The following CMBL variants were observed in gnomAD, a reference collection of about 807,000 sequenced individuals.
CMBL encodes carboxymethylenebutenolidase homolog (Pseudomonas).
A neutral mutation model predicts 28.7 loss-of-function variants in CMBL; 17 were observed. The ratio of observed to expected loss-of-function variants is 0.59; its 90% CI spans 0.41 to 0.89. The LOEUF is 0.89. Among genes scored for constraint, CMBL ranks in the 40% least tolerant of loss-of-function variants. The pLI, the probability that CMBL is intolerant of heterozygous loss-of-function variation, is 0.00. For synonymous variants in CMBL, 106 were observed against 101.6 expected (o/e 1.04, Z -0.26); for missense variants, 310 against 298.5 (o/e 1.04, Z -0.28).
intron 3 of CMBL, among the ~76,000 whole-genome samples, chr5:10,288,166 C>A (rs1746640053): frequency 6.6e-6 from 1 of 152,056 alleles, no homozygotes; most frequent in Admixed American, 6.5e-5. Context: ...ACTCGGGAGG[C>A]TGAGGCAGGA....
In CMBL at chr5:10,289,185, T is replaced by C. The variant is rs550799704; in HGVS notation, c.216-656A>G. ...GGTTGGAGGAACAGGGCTCCTCCTA[T>C]AGGGGTAGAAGAACACTGAAACTGG... On this transcript the variant is annotated intron_variant, in intron 2 of 5. Transcript: ENST00000296658. This position sits in a 1 kb window ranked among gnomAD's most constrained non-coding sequence, Gnocchi z 4.3. 1.1e-4 allele frequency among the ~76,000 whole-genome samples: 16 copies of C among 152,118 alleles called. No homozygotes were observed. Among genetic ancestry groups the C allele is most frequent in the Non-Finnish European group, 1.8e-4 (12 of 68,016 alleles).
chr5:10,288,593 A>G, intron 2 of CMBL, 64 bp from the exon 3 acceptor site: 5 of 1,278,814 alleles, frequency 3.9e-6, no homozygotes, highest in Middle Eastern at 1.8e-4. Context: ...TTTTGCTTGC[A>G]TTTATTTAAA....
intron 1 of CMBL, among the ~76,000 whole-genome samples, chr5:10,296,421 C>T (rs1000385478): frequency 1.3e-5 from 2 of 152,198 alleles, no homozygotes; most frequent in African/African-American, 4.8e-5. Flanking sequence ...GCTGGTACTA[C>T]AGGCGAGCAC....
rs925913933 is a variant in CMBL, at chr5:10,278,944, C to T, written c.*1509G>A. Among the ~76,000 whole-genome samples, 5 of 152,176 alleles carry T rather than the reference C, an allele frequency of 3.3e-5. No homozygotes were observed. Among genetic ancestry groups the T allele is most frequent in the African/African-American group, 4.8e-5 (2 of 41,440 alleles). On this transcript the variant is annotated 3_prime_UTR_variant, in exon 6 of 6. Transcript: ENST00000296658. Reference sequence around the variant, plus strand: ...ATGAAAGGCACATGGGAAACACCCACGACCACATCCCCAGGATCCCCGTCA... The same window carrying T: ...ATGAAAGGCACATGGGAAACACCCATGACCACATCCCCAGGATCCCCGTCA...
chr5:10,295,736 C>T (rs140670574), intron 1 of CMBL, among the ~76,000 whole-genome samples: 57 of 152,288 alleles, frequency 3.7e-4, no homozygotes, highest in Non-Finnish European at 5.7e-4. Context: ...GCCAGCGCCT[C>T]GATCTTGGAC....
intron 1 of CMBL, among the ~76,000 whole-genome samples, chr5:10,298,841 C>T (rs765458633): frequency 1.3e-5 from 2 of 152,292 alleles, no homozygotes; most frequent in East Asian, 1.9e-4. Context: ...TGCAGTCAGA[C>T]GAGATCGCGC....
intron 5 of CMBL, among the ~76,000 whole-genome samples, 163 bp downstream of exon 5, chr5:10,282,034 C>T (rs1746503925): frequency 6.6e-6 from 1 of 152,072 alleles, no homozygotes; most frequent in Admixed American, 6.6e-5. Flanking sequence ...GTGGTGGGCG[C>T]CTGTAGTCCC....
Position 10,278,296 on chromosome 5 carries a change from C to T in CMBL, c.*2157G>A, listed in dbSNP as rs1182844088. 6.6e-6 allele frequency among the ~76,000 whole-genome samples: 1 copy of T among 152,102 alleles called. No individual in the cohort carries two copies. The highest frequency in any genetic ancestry group is 6.5e-5 in the Admixed American group (1 of 15,272). ...CCAGTTATACAACTTCTCACTGTTCCCCAAGGTGGTCGATCCAGACATCTG... is the reference window on the plus strand; with the variant it reads ...CCAGTTATACAACTTCTCACTGTTCTCCAAGGTGGTCGATCCAGACATCTG... On this transcript the variant is annotated 3_prime_UTR_variant, in exon 6 of 6. Coordinates refer to ENST00000296658, the MANE Select transcript of CMBL (RefSeq NM_138809.4).
intron 2 of CMBL, among the ~76,000 whole-genome samples, chr5:10,290,102 A>AG (rs1348757655): frequency 6.6e-6 from 1 of 152,176 alleles, no homozygotes; most frequent in African/African-American, 2.4e-5. Context: ...TCTAATTCAG[A>AG]GGGGGCCACG....
chr5:10,280,473 A>T lies in CMBL; in HGVS notation c.718T>A (p.Trp240Arg). The T allele has an allele frequency of 6.2e-7, 1 of 1,603,332 alleles. No individual in the cohort carries two copies. The highest frequency in any genetic ancestry group is 1.3e-5 in the African/African-American group (1 of 74,930). Residue 240 changes from tryptophan (W) to arginine (R), a missense_variant, in exon 6 of 6, where the codon TGG (tryptophan) becomes AGG (arginine). Coordinates refer to ENST00000296658, the MANE Select transcript of CMBL (RefSeq NM_138809.4). ...TCTTGCTACATGTACTTGTTCAGCC[A>T]CTCAATTAAATTCCTTCTGGCCTCG... ...IDEARRNLIE[W>R]LNKYM
chr5:10,299,890 T>C (rs909521431), intron 1 of CMBL, among the ~76,000 whole-genome samples: 10 of 151,956 alleles, frequency 6.6e-5, no homozygotes, highest in African/African-American at 2.2e-4. Flanking sequence ...GCACATGCAG[T>C]GATTATGGAA....
At chr5:10,290,196 G>A (rs1192955192) in intron 2 of CMBL, among the ~76,000 whole-genome samples, 1 of 152,212 alleles carries the variant, frequency 6.6e-6, no homozygotes, top group Non-Finnish European at 1.5e-5. Flanking sequence ...CTGAGCTGTT[G>A]AAGGACCGAG....
At chr5:10,302,245 G>A (rs1038939744) in intron 1 of CMBL, among the ~76,000 whole-genome samples, 1 of 152,200 alleles carries the variant, frequency 6.6e-6, no homozygotes, top group Non-Finnish European at 1.5e-5. Context: ...TCCTGCAAAT[G>A]CACTGTAAAC....
intron 1 of CMBL, among the ~76,000 whole-genome samples, chr5:10,301,791 G>A (rs1407560794): frequency 5.9e-5 from 9 of 151,780 alleles, no homozygotes; most frequent in African/African-American, 7.3e-5. Context: ...TAGTAGAGAC[G>A]GGGTTTCACC....
chr5:10,281,667 T>TA (rs1397552403), intron 5 of CMBL, among the ~76,000 whole-genome samples: 1 of 152,222 alleles, frequency 6.6e-6, no homozygotes, highest in Admixed American at 6.5e-5. Context: ...CTCCACCAGG[T>TA]AACCAGGCCA....
intron 1 of CMBL, among the ~76,000 whole-genome samples, chr5:10,291,273 G>A (rs115124863): frequency 0.018 from 2,671 of 152,304 alleles, 81 homozygotes; most frequent in African/African-American, 0.059. Context: ...CTCACGGAAG[G>A]GGGCCAAAGC....
chr5:10,290,552 A>G lies in CMBL; in HGVS notation c.211T>C (p.Tyr71His). 1.2e-6 allele frequency: 2 copies of G among 1,610,134 alleles called. No individual in the cohort carries two copies. Among genetic ancestry groups the G allele is most frequent in the Non-Finnish European group, 8.5e-7 (1 of 1,176,296 alleles). ...YIADMISGNG[Y>H]TTIVPDFFVG... is the part of the protein sequence containing the mutation. The stretch of plus-strand genomic sequence containing the variant: ...GAAACACAACTTTATACATACGTGT[A>G]TCCATTTCCTGAGATCATGTCAGCT... Residue 71 changes from tyrosine to histidine, a missense_variant, in exon 2 of 6, where the codon TAC (tyrosine) becomes CAC (histidine). Physicochemically the swap from Tyr to His is moderately conservative, Grantham distance 83. Coordinates refer to ENST00000296658, the MANE Select transcript of CMBL (RefSeq NM_138809.4).
At chr5:10,288,994 C>T (rs191673819) in intron 2 of CMBL, among the ~76,000 whole-genome samples, 114 of 152,284 alleles carry the variant, frequency 7.5e-4, no homozygotes, top group African/African-American at 2.4e-3. Flanking sequence ...TCCACCAAGA[C>T]GGCGACGAAG....
intron 1 of CMBL, among the ~76,000 whole-genome samples, chr5:10,294,458 G>A (rs564189638): frequency 6.6e-6 from 1 of 152,140 alleles, no homozygotes; most frequent in Non-Finnish European, 1.5e-5. Context: ...CAGCTACTCA[G>A]GAGGCTGAGG....
Sources: allele counts gnomAD v4.1 joint callset (sites outside exome capture counted in the v4.1 genomes callset), GRCh38; gene constraint gnomAD v4.1.1; non-coding constraint Gnocchi (gnomAD v3.1); transcripts MANE v1.5; gene names NCBI Gene and HGNC (gene_info 2026-07-23, HGNC 2026-07-21).